The following FRYL variants were observed in gnomAD, a reference collection of about 807,000 sequenced individuals.
FRYL encodes the protein FRY like transcription coactivator, also known as protein furry homolog-like.
In FRYL, 150 loss-of-function variants were observed where a neutral mutation model predicts 351.2. That is an observed-to-expected ratio of 0.43 (90% CI 0.37 to 0.49). FRYL has a LOEUF of 0.49. Ranked by LOEUF, FRYL falls within the 20% of genes least tolerant of loss-of-function variation. The pLI is 0.00. For synonymous variants in FRYL, 1,153 were observed against 1,257.1 expected, an observed-to-expected ratio of 0.92 and a Z score of 1.75; for missense variants, 3,036 against 3,619.3, an observed-to-expected ratio of 0.84 and a Z score of 4.13.
At chr4:48,594,066 T>C (rs1744091526) in intron 15 of FRYL, 50 bp from the exon 16 acceptor site, 1 of 979,394 alleles carries the variant, frequency 1.0e-6, no homozygotes, top group Non-Finnish European at 1.5e-6. Context: ...TTAGGTATCA[T>C]GCTAAGAATT....
intron 1 of FRYL, among the ~76,000 whole-genome samples, chr4:48,750,534 C>A (rs6447657): frequency 0.98 from 149,374 of 152,278 alleles, 73,324 homozygotes; most frequent in East Asian, 1. Context: ...TATTGCAGTA[C>A]CCCAGGCAAG....
intron 1 of FRYL, among the ~76,000 whole-genome samples, chr4:48,769,382 T>A (rs1775292281): frequency 6.6e-6 from 1 of 152,174 alleles, no homozygotes; most frequent in South Asian, 2.1e-4. Context: ...ACATTATCAA[T>A]ACAATACTAC....
rs766215445 is a variant in FRYL, at chr4:48,686,815, GGC to G, written c.-203-2022_-203-2021del. 9.8e-5 allele frequency among the ~76,000 whole-genome samples: 15 copies of G among 152,310 alleles called. No individual in the cohort carries two copies. The South Asian group carries it at 3.1e-3, about 32-fold the overall frequency. On this transcript the variant is annotated intron_variant, in intron 2 of 63. Coordinates refer to ENST00000358350, the MANE Select transcript of FRYL (RefSeq NM_015030.2). ...ATTCTTCTTGTAATCACACTGTCAT[GGC>G]ACTATGTCACTTTAAGACTTCTCAA... is the stretch of plus-strand genomic sequence containing the variant.
chr4:48,718,645 T>C (rs1383057057), intron 1 of FRYL, among the ~76,000 whole-genome samples: 1 of 151,498 alleles, frequency 6.6e-6, no homozygotes, highest in Non-Finnish European at 1.5e-5. Flanking sequence ...TCCCATACTC[T>C]CTACAGACAC....
chr4:48,643,275 C>T (rs1397354506), intron 3 of FRYL, among the ~76,000 whole-genome samples: 1 of 152,118 alleles, frequency 6.6e-6, no homozygotes, highest in Non-Finnish European at 1.5e-5. Context: ...TGGGCTGAGT[C>T]CTCTGTAGCT....
intron 3 of FRYL, among the ~76,000 whole-genome samples, chr4:48,650,571 G>A (rs1757416267): frequency 6.6e-6 from 1 of 152,176 alleles, no homozygotes; most frequent in Admixed American, 6.5e-5. Flanking sequence ...AGATGAGAGG[G>A]TACATTTCAG....
At chr4:48,519,731 TCTC>T (rs1724482907) in intron 55 of FRYL, among the ~76,000 whole-genome samples, 1 of 150,570 alleles carries the variant, frequency 6.6e-6, no homozygotes, top group African/African-American at 2.4e-5. Context: ...TCAATCTCTC[TCTC>T]GCTCTTTTTT....
At chr4:48,647,285 A>G (rs1462573073) in intron 3 of FRYL, among the ~76,000 whole-genome samples, 1 of 152,192 alleles carries the variant, frequency 6.6e-6, no homozygotes, top group East Asian at 1.9e-4. Flanking sequence ...GGCCTGCTAT[A>G]AGACTGAGTC....
chr4:48,637,609 T>C (rs1416222650), intron 3 of FRYL: 1 of 152,118 alleles, frequency 6.6e-6, no homozygotes, highest in Non-Finnish European at 1.5e-5. Context: ...CATGTCGTAT[T>C]AAACATACTT....
intron 42 of FRYL, 80 bp from the exon 43 acceptor site, chr4:48,544,984 C>T (rs1731017856): frequency 1.4e-5 from 19 of 1,406,132 alleles, no homozygotes; most frequent in Non-Finnish European, 1.7e-5. Context: ...CTAAATTACA[C>T]CTTTACAATT....
intron 1 of FRYL, among the ~76,000 whole-genome samples, chr4:48,748,815 GT>G (rs1311157047): frequency 6.6e-6 from 1 of 152,186 alleles, no homozygotes; most frequent in Admixed American, 6.5e-5. Flanking sequence ...AGAAGAAAAA[GT>G]AGGTAAGAAT....
At chr4:48,664,516 C>A (rs1297215882) in intron 3 of FRYL, among the ~76,000 whole-genome samples, 2 of 152,002 alleles carry the variant, frequency 1.3e-5, no homozygotes, top group African/African-American at 4.8e-5. Flanking sequence ...CAAAGGTGAC[C>A]CCCAGGCTTA....
At chr4:48,518,910 A>G (rs148451427) in intron 55 of FRYL, among the ~76,000 whole-genome samples, 10 of 152,314 alleles carry the variant, frequency 6.6e-5, no homozygotes, top group African/African-American at 2.4e-4. Flanking sequence ...AAGCTCCATA[A>G]AACCAAAAGC....
At position 48,725,344 on chromosome 4, in the gene FRYL, G is replaced by A. The variant is rs187273019; in HGVS notation, c.-383-14646C>T. ...CCAACTGCAATCTTCAACAGACTCT[G>A]TCTATCCTCTGAGAGAAAGAGAGAA... is the stretch of plus-strand genomic sequence containing the variant. On this transcript the variant is annotated intron_variant, in intron 1 of 63. Transcript: ENST00000358350. Among the ~76,000 whole-genome samples, 17 of 152,282 alleles carry A rather than the reference G, an allele frequency of 1.1e-4. No individual in the cohort carries two copies. The East Asian group carries it at 3.1e-3, about 28-fold the overall frequency.
chr4:48,561,766 A>G (rs1030009443), intron 32 of FRYL, 130 bp from the exon 33 acceptor site: 3 of 626,006 alleles, frequency 4.8e-6, no homozygotes, highest in South Asian at 3.1e-5. Flanking sequence ...TGTAATCTCA[A>G]TACTTTGGAA....
At chr4:48,541,064 A>G (rs916427632) in intron 45 of FRYL, 104 bp from the exon 46 acceptor site, 3 of 1,157,094 alleles carry the variant, frequency 2.6e-6, no homozygotes, top group African/African-American at 1.5e-5. Flanking sequence ...TACCAGAAAA[A>G]TCATTTTTCA....
chr4:48,523,463 T>C (rs191441217), intron 53 of FRYL: 9 of 167,710 alleles, frequency 5.4e-5, no homozygotes, highest in East Asian at 1.8e-4. Flanking sequence ...AAATAAACAA[T>C]CCATAACACC....
intron 7 of FRYL, among the ~76,000 whole-genome samples, chr4:48,617,347 AT>A (rs1242773128): frequency 3.5e-3 from 484 of 137,926 alleles, no homozygotes; most frequent in Middle Eastern, 7.1e-3. Context: ...AAAAAAAAAG[AT>A]TTTTTTTTTT....
At chr4:48,704,344 A>G (rs1044283264) in intron 2 of FRYL, among the ~76,000 whole-genome samples, 2 of 152,234 alleles carry the variant, frequency 1.3e-5, no homozygotes, top group Admixed American at 6.5e-5. Context: ...AGGGGAAATT[A>G]ACACTACAAT....
Sources: allele counts gnomAD v4.1 joint callset (sites outside exome capture counted in the v4.1 genomes callset), GRCh38; gene constraint gnomAD v4.1.1; transcripts MANE v1.5; gene names NCBI Gene and HGNC (gene_info 2026-07-23, HGNC 2026-07-21).